ARHGAP31: variants seen among roughly 807,000 people sequenced by gnomAD.
ARHGAP31 encodes the protein Rho GTPase activating protein 31, also known as rho GTPase-activating protein 31.
In ARHGAP31, 34 loss-of-function variants were observed where a neutral mutation model predicts 113.9. The observed-to-expected ratio is 0.30, with a 90% CI of 0.23 to 0.40. ARHGAP31 has a LOEUF of 0.40. Ranked by LOEUF, ARHGAP31 falls within the 10% of genes least tolerant of loss-of-function variation. The pLI, the probability that ARHGAP31 is intolerant of heterozygous loss-of-function variation, is 1.00. For missense variants in ARHGAP31, 1,548 were observed against 1,767.1 expected (o/e 0.88, Z 2.22); for synonymous variants, 650 against 684.8 (o/e 0.95, Z 0.79).
At chr3:119,384,574 G>A (rs567656256) in intron 6 of ARHGAP31, among the ~76,000 whole-genome samples, 1 of 152,294 alleles carries the variant, frequency 6.6e-6, no homozygotes, top group Admixed American at 6.5e-5. Context: ...GGAAAGTCAA[G>A]AGAGTGTGAG....
At chr3:119,305,892 C>A (rs1316262865) in intron 1 of ARHGAP31, among the ~76,000 whole-genome samples, 7 of 152,190 alleles carry the variant, frequency 4.6e-5, no homozygotes, top group Admixed American at 3.9e-4. Context: ...AGGAGAATAT[C>A]CCCTTCAGGT....
chr3:119,345,249 G>A (rs1201213974), intron 1 of ARHGAP31, among the ~76,000 whole-genome samples: 2 of 152,122 alleles, frequency 1.3e-5, no homozygotes, highest in Non-Finnish European at 2.9e-5. Flanking sequence ...GCCTCCCAAA[G>A]TGCTAGGATT....
chr3:119,341,353 G>A (rs1238212582), intron 1 of ARHGAP31, among the ~76,000 whole-genome samples: 1 of 152,148 alleles, frequency 6.6e-6, no homozygotes, highest in Non-Finnish European at 1.5e-5. Context: ...AATAATAACA[G>A]CAAACTAGTA....
chr3:119,343,173 A>C (rs1295882079), intron 1 of ARHGAP31, among the ~76,000 whole-genome samples: 1 of 152,194 alleles, frequency 6.6e-6, no homozygotes, highest in Admixed American at 6.5e-5. Flanking sequence ...TCATGCATTC[A>C]TCCAGGGAGT....
chr3:119,320,297 G>A (rs568898003), intron 1 of ARHGAP31, among the ~76,000 whole-genome samples: 1 of 152,296 alleles, frequency 6.6e-6, no homozygotes, highest in South Asian at 2.1e-4. Context: ...ACTTAGACAT[G>A]AGGCTTTCTT....
chr3:119,396,514 T>A (rs1172719466), intron 8 of ARHGAP31, among the ~76,000 whole-genome samples: 1 of 152,224 alleles, frequency 6.6e-6, no homozygotes, highest in Admixed American at 6.5e-5. Flanking sequence ...TGCTGGCAAC[T>A]CTGGAAAATA....
chr3:119,363,950 C>T (rs1165713211), intron 1 of ARHGAP31, among the ~76,000 whole-genome samples: 2 of 152,108 alleles, frequency 1.3e-5, no homozygotes, highest in Admixed American at 6.5e-5. Context: ...CCACCATTCA[C>T]AACCCTCTCA....
chr3:119,366,122 T>C (rs1304543407), intron 2 of ARHGAP31, among the ~76,000 whole-genome samples: 3 of 151,966 alleles, frequency 2.0e-5, no homozygotes, highest in Non-Finnish European at 2.9e-5. Flanking sequence ...AGAGTATATA[T>C]GTATAATTTT....
intron 1 of ARHGAP31, among the ~76,000 whole-genome samples, chr3:119,347,251 G>A (rs1447003599): frequency 1.3e-5 from 2 of 152,120 alleles, no homozygotes; most frequent in African/African-American, 4.8e-5. Context: ...ACTGCTTAAG[G>A]GACAAGGAAA....
intron 1 of ARHGAP31, among the ~76,000 whole-genome samples, chr3:119,325,345 T>C (rs1260845619): frequency 6.6e-6 from 1 of 152,232 alleles, no homozygotes; most frequent in Non-Finnish European, 1.5e-5. Context: ...TAGAAACACA[T>C]TCACATATCA....
chr3:119,342,577 T>C (rs1236074526), intron 1 of ARHGAP31, among the ~76,000 whole-genome samples: 1 of 152,130 alleles, frequency 6.6e-6, no homozygotes, highest in Non-Finnish European at 1.5e-5. Context: ...CACCAAAAAC[T>C]GTAATAAATG....
chr3:119,328,045 T>C (rs146521061), intron 1 of ARHGAP31, among the ~76,000 whole-genome samples: 9 of 152,228 alleles, frequency 5.9e-5, no homozygotes, highest in Admixed American at 3.3e-4. Context: ...TAGAGTTGTT[T>C]TTAGATGTCT....
chr3:119,413,054 C>T (rs1212163574), intron 11 of ARHGAP31, among the ~76,000 whole-genome samples: 1 of 151,870 alleles, frequency 6.6e-6, no homozygotes, highest in Admixed American at 6.6e-5. Context: ...TGGTGGCTCA[C>T]ACCTGTTAAT....
At chr3:119,350,592 T>C (rs923868595) in intron 1 of ARHGAP31, among the ~76,000 whole-genome samples, 1 of 152,138 alleles carries the variant, frequency 6.6e-6, no homozygotes, top group Non-Finnish European at 1.5e-5. Flanking sequence ...GTGAGATCAG[T>C]GCAGAGAGGA....
chr3:119,370,035 C>T (rs2080284764), intron 3 of ARHGAP31, among the ~76,000 whole-genome samples: 1 of 152,040 alleles, frequency 6.6e-6, no homozygotes, highest in Non-Finnish European at 1.5e-5. Context: ...GAGAAGTCAA[C>T]ATGTACCAGC....
At chr3:119,411,155 G>T (rs1352503513) in intron 11 of ARHGAP31, among the ~76,000 whole-genome samples, 1 of 152,198 alleles carries the variant, frequency 6.6e-6, no homozygotes, top group Non-Finnish European at 1.5e-5. Flanking sequence ...AGACTCAGGG[G>T]GATGCAGGAG....
At chr3:119,384,729 A>G (rs2080434206) in intron 6 of ARHGAP31, among the ~76,000 whole-genome samples, 1 of 152,184 alleles carries the variant, frequency 6.6e-6, no homozygotes, top group African/African-American at 2.4e-5. Context: ...ACAGTGTTGC[A>G]TTGGGGATCA....
intron 1 of ARHGAP31, among the ~76,000 whole-genome samples, chr3:119,337,529 G>A (rs530670382): frequency 4.6e-5 from 7 of 152,270 alleles, no homozygotes; most frequent in African/African-American, 9.6e-5. Context: ...TGCCACTGTG[G>A]GTGCCAGTGG....
At chr3:119,339,981 C>T (rs2079993558) in intron 1 of ARHGAP31, among the ~76,000 whole-genome samples, 1 of 152,132 alleles carries the variant, frequency 6.6e-6, no homozygotes, top group Admixed American at 6.6e-5. Context: ...AGAAGTGAAA[C>T]AATCAGATAT....
Sources: allele counts gnomAD v4.1 joint callset (sites outside exome capture counted in the v4.1 genomes callset), GRCh38; gene constraint gnomAD v4.1.1; transcripts MANE v1.5; gene names NCBI Gene and HGNC (gene_info 2026-07-23, HGNC 2026-07-21).